The following XKR6 variants were observed in gnomAD, a reference collection of about 807,000 sequenced individuals.
XKR6 encodes the protein XK related 6, also known as XK-related protein 6.
A neutral mutation model predicts 56.7 loss-of-function variants in XKR6; 22 were observed. That is an observed-to-expected ratio of 0.39 (90% CI 0.28 to 0.55). XKR6 has a LOEUF of 0.55. XKR6 is among the 20% of genes least tolerant of loss of function. XKR6 has a pLI of 0.66. For missense variants in XKR6, 852 were observed against 889.0 expected (o/e 0.96, Z 0.53); for synonymous variants, 524 against 387.8 (o/e 1.35, Z -4.13).
intron 1 of XKR6, among the ~76,000 whole-genome samples, chr8:11,095,008 G>A (rs1287213968): frequency 6.6e-6 from 1 of 152,134 alleles, no homozygotes. Context: ...TAACAAACCT[G>A]CACATCCTGC....
At chr8:11,172,537 A>G (rs891799652) in intron 1 of XKR6, among the ~76,000 whole-genome samples, 5 of 152,128 alleles carry the variant, frequency 3.3e-5, no homozygotes, top group African/African-American at 9.7e-5. Context: ...ATGGCTTCCC[A>G]TGGAAGTCAC....
chr8:11,038,093 G>C (rs1048863952), intron 1 of XKR6, among the ~76,000 whole-genome samples: 1 of 151,412 alleles, frequency 6.6e-6, no homozygotes. Context: ...TACCATCCCT[G>C]ATCCCTGATT....
chr8:11,171,418 C>T (rs1324171098), intron 1 of XKR6, among the ~76,000 whole-genome samples: 1 of 152,224 alleles, frequency 6.6e-6, no homozygotes, highest in African/African-American at 2.4e-5. Flanking sequence ...TATTTTTCCC[C>T]TCCAAATCTC....
intron 1 of XKR6, among the ~76,000 whole-genome samples, chr8:11,032,153 T>A (rs1799008129): frequency 6.6e-6 from 1 of 152,184 alleles, no homozygotes; most frequent in South Asian, 2.1e-4. Flanking sequence ...GCTCATCTAG[T>A]TTTTCTTCTG....
chr8:11,172,791 C>T (rs1802444874), intron 1 of XKR6, among the ~76,000 whole-genome samples: 1 of 152,108 alleles, frequency 6.6e-6, no homozygotes, highest in Admixed American at 6.5e-5. Context: ...GGAGCAAAGG[C>T]CAGAAAGCAT....
At chr8:11,194,259 T>G (rs1407234589) in intron 1 of XKR6, among the ~76,000 whole-genome samples, 1 of 152,232 alleles carries the variant, frequency 6.6e-6, no homozygotes, top group East Asian at 1.9e-4. Flanking sequence ...ACTGCTTGTT[T>G]GATAAATATG....
At chr8:11,147,404 G>A (rs867531988) in intron 1 of XKR6, among the ~76,000 whole-genome samples, 4 of 152,202 alleles carry the variant, frequency 2.6e-5, no homozygotes, top group African/African-American at 4.8e-5. Flanking sequence ...GGTGGCTCAC[G>A]CCTGTAATCC....
chr8:11,131,100 C>T (rs1342679014), intron 1 of XKR6, among the ~76,000 whole-genome samples: 1 of 152,090 alleles, frequency 6.6e-6, no homozygotes, highest in Non-Finnish European at 1.5e-5. Context: ...TTGTTCACAG[C>T]CACAATAACC....
chr8:11,030,819 T>C (rs1366055548), intron 1 of XKR6, among the ~76,000 whole-genome samples: 1 of 152,218 alleles, frequency 6.6e-6, no homozygotes, highest in Admixed American at 6.5e-5. Context: ...TGCCCTCATC[T>C]GAAAGCCCCA....
At chr8:10,911,716 AGAGT>A (rs1294311216) in intron 2 of XKR6, among the ~76,000 whole-genome samples, 3 of 149,256 alleles carry the variant, frequency 2.0e-5, no homozygotes, top group African/African-American at 4.9e-5. Flanking sequence ...AGAGAGAGAG[AGAGT>A]GAGGGGTGTG....
At chr8:10,909,053 C>T (rs572510892) in intron 2 of XKR6, among the ~76,000 whole-genome samples, 1 of 152,028 alleles carries the variant, frequency 6.6e-6, no homozygotes, top group Admixed American at 6.6e-5. Flanking sequence ...GTAGTCCCAG[C>T]TACTTGGGAG....
intron 1 of XKR6, among the ~76,000 whole-genome samples, chr8:11,044,969 C>T (rs1216891944): frequency 6.6e-6 from 1 of 151,162 alleles, no homozygotes; most frequent in Non-Finnish European, 1.5e-5. Context: ...AGATAGGTAG[C>T]AGGCTGAAAG....
chr8:11,028,070 C>T (rs1798910329), intron 1 of XKR6, among the ~76,000 whole-genome samples: 1 of 152,002 alleles, frequency 6.6e-6, no homozygotes, highest in Non-Finnish European at 1.5e-5. Flanking sequence ...ACATTATTAA[C>T]ATACAGAGCA....
At chr8:11,179,666 C>T (rs1322491430) in intron 1 of XKR6, among the ~76,000 whole-genome samples, 1 of 152,188 alleles carries the variant, frequency 6.6e-6, no homozygotes, top group South Asian at 2.1e-4. Flanking sequence ...CATTCAGGTG[C>T]TCTTGGCCCA....
chr8:10,901,314 C>G (rs570577365), intron 2 of XKR6, among the ~76,000 whole-genome samples: 3 of 152,212 alleles, frequency 2.0e-5, no homozygotes, highest in Admixed American at 2.0e-4. Flanking sequence ...CCTTGGCCTC[C>G]CAATGTGCTG....
At chr8:11,173,966 G>A (rs1802521637) in intron 1 of XKR6, among the ~76,000 whole-genome samples, 1 of 152,194 alleles carries the variant, frequency 6.6e-6, no homozygotes, top group African/African-American at 2.4e-5. Flanking sequence ...GGGTGCTTTG[G>A]GATGAGGGGA....
At chr8:10,920,600 G>T (rs368932399) in intron 2 of XKR6, among the ~76,000 whole-genome samples, 4 of 152,154 alleles carry the variant, frequency 2.6e-5, no homozygotes, top group African/African-American at 9.7e-5. Context: ...TTTCTTTAAG[G>T]CTTGTACATT....
At chr8:10,913,365 T>C (rs1203512926) in intron 2 of XKR6, among the ~76,000 whole-genome samples, 1 of 152,052 alleles carries the variant, frequency 6.6e-6, no homozygotes, top group African/African-American at 2.4e-5. Flanking sequence ...TTTCAATTTA[T>C]AAGGTGAAAA....
intron 2 of XKR6, 126 bp downstream of exon 2, chr8:10,924,508 C>T (rs1052080545): frequency 8.4e-7 from 1 of 1,187,106 alleles, no homozygotes; most frequent in African/African-American, 1.5e-5. Flanking sequence ...GCCGGGCGTC[C>T]TGGGGACTCA....
Sources: allele counts gnomAD v4.1 joint callset (sites outside exome capture counted in the v4.1 genomes callset), GRCh38; gene constraint gnomAD v4.1.1; transcripts MANE v1.5; gene names NCBI Gene and HGNC (gene_info 2026-07-23, HGNC 2026-07-21).